Variants in BCAN observed in about 807,000 individuals in gnomAD.
The protein encoded by BCAN is brevican core protein.
A neutral mutation model predicts 92.4 loss-of-function variants in BCAN; 51 were observed. The ratio of observed to expected loss-of-function variants is 0.55; its 90% confidence interval spans 0.44 to 0.70. The LOEUF (loss-of-function observed/expected upper bound fraction) is 0.70. Among genes scored for constraint, BCAN ranks in the 30% least tolerant of loss-of-function variants. BCAN has a pLI of 0.00. For missense variants in BCAN, 1,140 were observed against 1,212.1 expected, an observed-to-expected ratio of 0.94 and a Z score of 0.88; for synonymous variants, 501 against 505.2, an observed-to-expected ratio of 0.99 and a Z score of 0.11.
intron 6 of BCAN, among the ~76,000 whole-genome samples, chr1:156,649,473 G>T (rs960974384): frequency 1.3e-5 from 2 of 152,152 alleles, no homozygotes; most frequent in Admixed American, 1.3e-4. Flanking sequence ...TGTGATCATG[G>T]TTCATTGTAG....
chr1:156,649,153 A>G (rs562971758), intron 6 of BCAN, among the ~76,000 whole-genome samples: 1 of 152,298 alleles, frequency 6.6e-6, no homozygotes, highest in South Asian at 2.1e-4. Context: ...ATAAGCTCCC[A>G]TCTCCTGTCA....
In BCAN at chr1:156,656,464, G is replaced by A. The variant is rs144624996; in HGVS notation, c.2050+75G>A. On this transcript the variant is annotated intron_variant, in intron 9 of 13. Transcript: ENST00000329117. ...ACGTGCTACTTCTGGAGGGGGGAGGGAGAACATTGGTTTTGGCCTTGTCAT... is the reference window on the plus strand; with the variant it reads ...ACGTGCTACTTCTGGAGGGGGGAGGAAGAACATTGGTTTTGGCCTTGTCAT... 4.5e-4 allele frequency: 528 copies of A among 1,178,804 alleles called. 5 individuals are homozygous for A. The East Asian group carries it at 0.014, about 31-fold the overall frequency. The allele number at this position is 1,178,804 out of a possible 1,614,324, so 73.0% of individuals were successfully genotyped here. A position where few individuals can be genotyped will look rare whatever the true frequency, so the allele number is the denominator to read the frequency against.
In BCAN at chr1:156,648,680, G is replaced by A. The variant is rs1462663759; in HGVS notation, c.882G>A (p.Trp294Ter). The A allele has an allele frequency of 1.2e-6, 2 of 1,613,700 alleles. No homozygotes were observed. The highest frequency in any genetic ancestry group is 1.7e-6 in the Non-Finnish European group (2 of 1,179,676). The change falls in exon 6 of 14, where the codon TGG becomes TGA. Residue 294 changes from tryptophan to a stop codon, truncating the protein, a stop_gained. Transcript: ENST00000329117. LOFTEE classifies it high-confidence loss of function. Reference protein sequence around the residue: ...IATTGQLYAAWDGGLDHCSPG... With the variant: ...IATTGQLYAA ...CCACGGGCCAACTGTATGCAGCCTG[G>A]GATGGTGGCCTGGACCACTGCAGCC...
Position 156,651,634 on chromosome 1 carries a change from A to T in BCAN, c.1242A>T (p.Gly414=). ...AIYSIPIMED[G]GGGSSTPEDP... Reference sequence around the variant, plus strand: ...ACTCCATCCCCATCATGGAGGACGGAGGAGGTGGAAGCTCCACTCCAGAAG... The same window carrying T: ...ACTCCATCCCCATCATGGAGGACGGTGGAGGTGGAAGCTCCACTCCAGAAG... The change falls in exon 7 of 14, where the codon GGA becomes GGT. Residue 414 remains glycine, a synonymous_variant. Transcript: ENST00000329117. 2 of 1,613,750 alleles carry T rather than the reference A, an allele frequency of 1.2e-6. No individual in the cohort carries two copies. Among genetic ancestry groups the T allele is most frequent in the Non-Finnish European group, 1.7e-6 (2 of 1,180,028 alleles).
chr1:156,656,928 TG>T lies in BCAN; in HGVS notation c.2051-9del, dbSNP rs1249232587. On this transcript the variant is annotated splice_polypyrimidine_tract_variant and intron_variant, in intron 9 of 13. Coordinates refer to ENST00000329117, the MANE Select transcript of BCAN (RefSeq NM_021948.5). Reference sequence around the variant, plus strand: ...TGGGGCCCTAAGATGCCCGCCCTTATGTGCCGCAGGCCTCCGCTTCTGCAAC... The same window carrying T: ...TGGGGCCCTAAGATGCCCGCCCTTATTGCCGCAGGCCTCCGCTTCTGCAAC... The T allele has an allele frequency of 6.2e-7, 1 of 1,612,118 alleles. No homozygotes were observed. The highest frequency in any genetic ancestry group is 1.3e-5 in the African/African-American group (1 of 75,036).
rs144106993 is a variant in BCAN, at chr1:156,654,622, G to A, written c.1943-1660G>A. 2.6e-5 allele frequency among the ~76,000 whole-genome samples: 4 copies of A among 152,354 alleles called. No homozygotes were observed. The East Asian group carries it at 7.7e-4, about 29-fold the overall frequency. On this transcript the variant is annotated intron_variant, in intron 8 of 13. Transcript: ENST00000329117. ...GTTCTGTAGCCCACAGCCAGGGGGAGGGGCCTATGGCTTGGGTAGGGGACC... is the reference window on the plus strand; with the variant it reads ...GTTCTGTAGCCCACAGCCAGGGGGAAGGGCCTATGGCTTGGGTAGGGGACC...
Position 156,652,788 on chromosome 1 carries a change from A to T in BCAN, c.1838A>T (p.Asp613Val), listed in dbSNP as rs779370475. 7.4e-6 allele frequency: 12 copies of T among 1,612,724 alleles called. No homozygotes were observed. The East Asian group carries it at 2.7e-4, about 36-fold the overall frequency. ...AGGGAGCTGGAGGCCCCCTCTGAAG[A>T]TAATTCTGGAAGAACTGCCCCAGCA... ...GTRELEAPSE[D>V]NSGRTAPAGT... The change falls in exon 8 of 14, where the codon GAT (aspartate) becomes GTT (valine). Residue 613 changes from aspartate (D) to valine (V), a missense_variant. By Grantham distance (152) the Asp-to-Val change is radical. Coordinates refer to ENST00000329117, the MANE Select transcript of BCAN (RefSeq NM_021948.5).
intron 5 of BCAN, among the ~76,000 whole-genome samples, chr1:156,648,313 C>T (rs1679052986): frequency 6.6e-6 from 1 of 152,156 alleles, no homozygotes. Flanking sequence ...CAGCAGGATA[C>T]CGAGTTTAAC....
chr1:156,653,052 A>G (rs1679230087), intron 8 of BCAN, 160 bp downstream of exon 8: 1 of 1,486,436 alleles, frequency 6.7e-7, no homozygotes, highest in Non-Finnish European at 8.9e-7. Context: ...TGGGTCTCCA[A>G]TCTCGGATAT....
In BCAN at chr1:156,647,257, G is replaced by A. The variant is rs971991057; in HGVS notation, c.466+82G>A. ...TGCCTTCGGGGATCCCACAGTGTGA[G>A]AGGGAAGCAAAGGTAGCTGGAAGGC... On this transcript the variant is annotated intron_variant, in intron 3 of 13. Coordinates refer to ENST00000329117, the MANE Select transcript of BCAN (RefSeq NM_021948.5). This position sits in a 1 kb window ranked among gnomAD's most constrained non-coding sequence, Gnocchi z 4.8. 5.6e-6 allele frequency: 8 copies of A among 1,438,078 alleles called. No individual in the cohort carries two copies. Among genetic ancestry groups the A allele is most frequent in the Non-Finnish European group, 7.4e-6 (8 of 1,085,506 alleles). 89.1% of individuals were successfully genotyped at this position (1,438,078 alleles called of 1,614,324 possible).
chr1:156,647,425 T>C lies in BCAN; in HGVS notation c.467-83T>C. ...CACAATTGAACTTTATTTACCCTTG[T>C]GTACAGAGGAGTGACAAGGAGGGTG... On this transcript the variant is annotated intron_variant, in intron 3 of 13. Coordinates refer to ENST00000329117, the MANE Select transcript of BCAN (RefSeq NM_021948.5). The surrounding 1 kb of genome is among the most constrained non-coding windows in gnomAD (Gnocchi z 4.8). 3.6e-6 allele frequency: 5 copies of C among 1,376,248 alleles called. No homozygotes were observed. The highest frequency in any genetic ancestry group is 2.3e-5 in the Admixed American group (1 of 42,956). The allele number at this position is 1,376,248 out of a possible 1,614,324, so 85.3% of individuals were successfully genotyped here. A position where few individuals can be genotyped will look rare whatever the true frequency, so the allele number is the denominator to read the frequency against.
At position 156,646,025 on chromosome 1, in the gene BCAN, CCTT is replaced by C. The variant is rs776899650; in HGVS notation, c.-8-19_-8-17del. ...CATCCTGAAGTCTAACCCCATCTTT[CCTT>C]CTCATGTCCCTCTGTCAGCCTGCAG... On this transcript the variant is annotated intron_variant, in intron 1 of 13. Coordinates refer to ENST00000329117, the MANE Select transcript of BCAN (RefSeq NM_021948.5). 6.3e-7 allele frequency: 1 copy of C among 1,597,700 alleles called. No individual in the cohort carries two copies. Among genetic ancestry groups the C allele is most frequent in the Admixed American group, 1.7e-5 (1 of 59,358 alleles).
At chr1:156,646,637 G>C in intron 2 of BCAN, 164 bp from the exon 3 acceptor site, 2 of 1,211,158 alleles carry the variant, frequency 1.7e-6, no homozygotes, top group Non-Finnish European at 2.2e-6. Flanking sequence ...GGACCTAGAG[G>C]TAGGGCTGCA....
intron 6 of BCAN, among the ~76,000 whole-genome samples, chr1:156,650,815 T>G (rs1345231809): frequency 6.6e-6 from 1 of 152,160 alleles, no homozygotes; most frequent in Admixed American, 6.5e-5. Context: ...CGGTGGCACA[T>G]GCCTGTAGTC....
rs769004183 is a variant in BCAN, at chr1:156,647,473, G to T, written c.467-35G>T. ...GTGAGGGGAGGCCAGCGTGCTGGGT[G>T]CTCACCTGGCTCAGGGGTCCTCTCT... On this transcript the variant is annotated intron_variant, in intron 3 of 13. Coordinates refer to ENST00000329117, the MANE Select transcript of BCAN (RefSeq NM_021948.5). The surrounding 1 kb of genome is among the most constrained non-coding windows in gnomAD (Gnocchi z 4.8). 2 of 1,521,274 alleles carry T rather than the reference G, an allele frequency of 1.3e-6. No individual in the cohort carries two copies. The highest frequency in any genetic ancestry group is 1.4e-5 in the African/African-American group (1 of 71,900). 94.2% of individuals were successfully genotyped at this position (1,521,274 alleles called of 1,614,324 possible). A position where few individuals can be genotyped will look rare whatever the true frequency, so the allele number is the denominator to read the frequency against.
In BCAN at chr1:156,651,463, C is replaced by T. The variant is rs758854745; in HGVS notation, c.1071C>T (p.Ala357=). 3 of 1,613,598 alleles carry T rather than the reference C, an allele frequency of 1.9e-6. No individual in the cohort carries two copies. Among genetic ancestry groups the T allele is most frequent in the Admixed American group, 3.3e-5 (2 of 60,004 alleles). The stretch of plus-strand genomic sequence containing the variant: ...ACTTTCCTCCTGCCACAGACTCGGC[C>T]CAGCCTTCTGCCATCCCTGAGGCCT... The part of the protein sequence containing the change: ...RFNVYCFRDS[A]QPSAIPEASN... The change falls in exon 7 of 14, where the codon GCC becomes GCT. Residue 357 remains alanine (A), a synonymous_variant. Transcript: ENST00000329117.
rs1679069718 is a variant in BCAN, at chr1:156,648,836, C to A, written c.1038C>A (p.Ser346Arg). 6.3e-7 allele frequency: 1 copy of A among 1,576,246 alleles called. No individual in the cohort carries two copies. The highest frequency in any genetic ancestry group is 8.7e-7 in the Non-Finnish European group (1 of 1,152,732). ...AGACTGGCTTCCCCAATAAGCACAG[C>A]CGCTTCAACGTCTACTGCTTCCGAG... ...PNQTGFPNKH[S>R]RFNVYCFRDS... The change falls in exon 6 of 14, where the codon AGC becomes AGA. Residue 346 changes from serine to arginine, a missense_variant. Ser to Arg is a moderately radical substitution (Grantham distance 110). Coordinates refer to ENST00000329117, the MANE Select transcript of BCAN (RefSeq NM_021948.5).
intron 8 of BCAN, among the ~76,000 whole-genome samples, chr1:156,654,073 C>T (rs1679260923): frequency 6.6e-6 from 1 of 152,174 alleles, no homozygotes; most frequent in Non-Finnish European, 1.5e-5. Flanking sequence ...TCCCTACTCT[C>T]CAGAAGGAAT....
chr1:156,647,641 T>C lies in BCAN; in HGVS notation c.600T>C (p.Tyr200=), dbSNP rs201728009. 2.1e-4 allele frequency: 338 copies of C among 1,606,574 alleles called. No individual in the cohort carries two copies. The highest frequency in any genetic ancestry group is 2.7e-4 in the Non-Finnish European group (320 of 1,176,212). The change falls in exon 4 of 14, where the codon TAT becomes TAC. Residue 200 remains tyrosine, a synonymous_variant. Transcript: ENST00000329117. This position sits in a 1 kb window ranked among gnomAD's most constrained non-coding sequence, Gnocchi z 4.8. ...EQLYAAYLGG[Y]EQCDAGWLSD... is the part of the protein sequence containing the mutation. ...TCTATGCCGCCTACCTTGGGGGCTATGAGCAATGTGATGCTGGCTGGCTGT... is the reference window on the plus strand; with the variant it reads ...TCTATGCCGCCTACCTTGGGGGCTACGAGCAATGTGATGCTGGCTGGCTGT...
Sources: allele counts gnomAD v4.1 joint callset (sites outside exome capture counted in the v4.1 genomes callset), GRCh38; gene constraint gnomAD v4.1.1; non-coding constraint Gnocchi (gnomAD v3.1); transcripts MANE v1.5; gene names NCBI Gene and HGNC (gene_info 2026-07-23, HGNC 2026-07-21).